FRMD4A: variants seen among roughly 807,000 people sequenced by gnomAD.
FRMD4A encodes FERM domain-containing protein 4A.
A neutral mutation model predicts 129.1 loss-of-function variants in FRMD4A; 29 were observed. That is an observed-to-expected ratio of 0.22 (90% confidence interval 0.17 to 0.31). The LOEUF is 0.31. FRMD4A is among the 10% of genes least tolerant of loss of function. The pLI is 1.00. For synonymous variants in FRMD4A, 634 were observed against 571.6 expected, an observed-to-expected ratio of 1.11 and a Z score of -1.56; for missense variants, 1,272 against 1,375.8, an observed-to-expected ratio of 0.92 and a Z score of 1.19.
intron 15 of FRMD4A, among the ~76,000 whole-genome samples, chr10:13,677,606 G>T (rs58711035): frequency 6.6e-6 from 1 of 152,100 alleles, no homozygotes; most frequent in Non-Finnish European, 1.5e-5. Flanking sequence ...ATTATTGCAG[G>T]TTCCCCTTTT....
chr10:14,246,653 G>A (rs1218379), intron 2 of FRMD4A, among the ~76,000 whole-genome samples: 52,175 of 152,070 alleles, frequency 0.34, 9,030 homozygotes, highest in Middle Eastern at 0.42. Context: ...TGATACAATA[G>A]TGAACTATAA....
chr10:14,160,691 AT>A (rs1440099745), intron 2 of FRMD4A, among the ~76,000 whole-genome samples: 1 of 152,214 alleles, frequency 6.6e-6, no homozygotes, highest in African/African-American at 2.4e-5. Context: ...ATATGAAAAA[AT>A]GCTCAACATC....
chr10:14,158,129 G>A (rs1004433183), intron 2 of FRMD4A, among the ~76,000 whole-genome samples: 6 of 152,194 alleles, frequency 3.9e-5, no homozygotes, highest in African/African-American at 1.4e-4. Context: ...ATATAAAGGT[G>A]GGGGGTGGGG....
intron 2 of FRMD4A, among the ~76,000 whole-genome samples, chr10:14,142,285 T>C (rs2131843493): frequency 6.6e-6 from 1 of 152,326 alleles, no homozygotes; most frequent in South Asian, 2.1e-4. Context: ...GGTGACAGTC[T>C]CCAAGTTGTT....
intron 2 of FRMD4A, among the ~76,000 whole-genome samples, chr10:14,082,717 A>C (rs1466669378): frequency 6.6e-6 from 1 of 152,184 alleles, no homozygotes; most frequent in African/African-American, 2.4e-5. Flanking sequence ...TGTAGCCCAT[A>C]ACGCGGAGTC....
At chr10:13,687,702 A>T (rs985331559) in intron 15 of FRMD4A, among the ~76,000 whole-genome samples, 2 of 152,188 alleles carry the variant, frequency 1.3e-5, no homozygotes, top group African/African-American at 2.4e-5. Flanking sequence ...GCAGCTACAA[A>T]TGTGGAAGCA....
intron 2 of FRMD4A, among the ~76,000 whole-genome samples, chr10:14,085,145 T>C (rs560149459): frequency 6.6e-6 from 1 of 152,174 alleles, no homozygotes; most frequent in Non-Finnish European, 1.5e-5. Context: ...GTTCATCACA[T>C]GCTCTGGAAA....
chr10:13,823,222 G>A (rs2093654538), intron 3 of FRMD4A, among the ~76,000 whole-genome samples: 1 of 152,136 alleles, frequency 6.6e-6, no homozygotes, highest in Admixed American at 6.5e-5. Flanking sequence ...CCAGCCGGCT[G>A]GGGAGCCTGC....
At chr10:13,956,003 T>C (rs546789881) in intron 2 of FRMD4A, among the ~76,000 whole-genome samples, 1 of 152,204 alleles carries the variant, frequency 6.6e-6, no homozygotes, top group African/African-American at 2.4e-5. Flanking sequence ...ATCTCTACAG[T>C]TGTTGCAAAG....
chr10:14,234,403 C>T (rs1843733810), intron 2 of FRMD4A, among the ~76,000 whole-genome samples: 3 of 152,280 alleles, frequency 2.0e-5, no homozygotes, highest in Middle Eastern at 6.8e-3. Flanking sequence ...TTATCAGCAA[C>T]TTTCTCTTCT....
At chr10:14,313,042 G>A (rs1846610957) in intron 2 of FRMD4A, among the ~76,000 whole-genome samples, 1 of 151,944 alleles carries the variant, frequency 6.6e-6, no homozygotes, top group South Asian at 2.1e-4. Flanking sequence ...TTTTAAACTT[G>A]TAAACGTATT....
At position 14,257,183 on chromosome 10, in the gene FRMD4A, T is replaced by C. The variant is rs143966299; in HGVS notation, c.45+72875A>G. Among the ~76,000 whole-genome samples the C allele has an allele frequency of 9.9e-5, 15 of 152,152 alleles. No homozygotes were observed. The East Asian group carries it at 2.7e-3, about 27-fold the overall frequency. On this transcript the variant is annotated intron_variant, in intron 2 of 24. Transcript: ENST00000357447. ...CCACCTCTACTAAAAATACAAAAAT[T>C]AGCTGGGCGTGGTGGCCAGTGCCCA...
chr10:14,058,236 C>T (rs1588886086), intron 2 of FRMD4A, among the ~76,000 whole-genome samples: 1 of 152,190 alleles, frequency 6.6e-6, no homozygotes. Context: ...ATACTGAATT[C>T]ATCCTCCCAT....
At chr10:13,702,092 G>C (rs923277182) in intron 13 of FRMD4A, among the ~76,000 whole-genome samples, 3 of 152,146 alleles carry the variant, frequency 2.0e-5, no homozygotes, top group African/African-American at 7.2e-5. Context: ...ATATTTTTCA[G>C]ATGGAGTCTT....
intron 5 of FRMD4A, among the ~76,000 whole-genome samples, chr10:13,786,601 C>T (rs1193226558): frequency 3.3e-5 from 5 of 151,970 alleles, no homozygotes; most frequent in Admixed American, 2.0e-4. Context: ...AGCGAAACTC[C>T]GTCTCAAAAA....
intron 2 of FRMD4A, among the ~76,000 whole-genome samples, chr10:13,957,537 G>T (rs181258657): frequency 2.1e-4 from 32 of 152,206 alleles, no homozygotes; most frequent in African/African-American, 7.7e-4. Flanking sequence ...TTATAGACGT[G>T]AGCCACCACG....
intron 2 of FRMD4A, among the ~76,000 whole-genome samples, chr10:14,030,390 C>T (rs1833181471): frequency 6.6e-6 from 1 of 152,182 alleles, no homozygotes; most frequent in Non-Finnish European, 1.5e-5. Flanking sequence ...ACATCATACA[C>T]CTTAAATACA....
chr10:14,223,616 C>T (rs1200626301), intron 2 of FRMD4A, among the ~76,000 whole-genome samples: 1 of 152,088 alleles, frequency 6.6e-6, no homozygotes, highest in Non-Finnish European at 1.5e-5. Context: ...AGGCACACAA[C>T]TGCAGTCCCA....
chr10:13,929,985 T>C (rs1417139657), intron 2 of FRMD4A, among the ~76,000 whole-genome samples: 5 of 152,146 alleles, frequency 3.3e-5, no homozygotes, highest in South Asian at 2.1e-4. Flanking sequence ...ATGCAATAAA[T>C]ATTAACCAAA....
Sources: gnomAD v4.1 joint callset for allele counts (sites outside exome capture counted in the v4.1 genomes callset) on GRCh38, gnomAD v4.1.1 for gene constraint, MANE v1.5 for transcripts, NCBI Gene and HGNC (gene_info 2026-07-23, HGNC 2026-07-21) for gene names.